GABPB1: variants seen among roughly 807,000 people sequenced by gnomAD.
GABPB1 encodes the protein GA-binding protein subunit beta-1.
Under a neutral mutation model 45.9 loss-of-function variants are expected in GABPB1, and 15 were observed. That is an observed-to-expected ratio of 0.33 (90% confidence interval 0.22 to 0.50). The LOEUF is 0.50. GABPB1 is among the 20% of genes least tolerant of loss of function. The pLI, the probability that GABPB1 is intolerant of heterozygous loss-of-function variation, is 0.98. For missense variants in GABPB1, 252 were observed against 457.5 expected (o/e 0.55, Z 4.10); for synonymous variants, 143 against 154.4 (o/e 0.93, Z 0.55).
intron 4 of GABPB1, among the ~76,000 whole-genome samples, chr15:50,302,535 T>C (rs919573924): frequency 1.3e-5 from 2 of 150,416 alleles, no homozygotes; most frequent in Non-Finnish European, 2.9e-5. Flanking sequence ...TCCCAGCTAT[T>C]TGAGAGGCTG....
intron 1 of GABPB1, chr15:50,353,649 A>T (rs957182873): frequency 9.2e-5 from 14 of 152,200 alleles, no homozygotes; most frequent in African/African-American, 3.4e-4. Context: ...TGAGCCTGAA[A>T]ATGGAAGTAT....
At chr15:50,327,297 T>C (rs898844296) in intron 1 of GABPB1, 1 of 152,176 alleles carries the variant, frequency 6.6e-6, no homozygotes, top group Non-Finnish European at 1.5e-5. Context: ...TCTGATCCTT[T>C]CTTCTCAGAA....
intron 6 of GABPB1, 64 bp from the exon 7 acceptor site, chr15:50,289,732 G>A: frequency 8.0e-7 from 1 of 1,250,980 alleles, no homozygotes; most frequent in Non-Finnish European, 1.1e-6. Flanking sequence ...ACCTATTTTT[G>A]CTTTGTCTGC....
chr15:50,310,909 G>A (rs1056953835), intron 1 of GABPB1, among the ~76,000 whole-genome samples: 13 of 151,548 alleles, frequency 8.6e-5, no homozygotes, highest in East Asian at 1.9e-4. Flanking sequence ...CCCAGGAGGC[G>A]GAGGTTGCAG....
chr15:50,315,481 T>C (rs1211273899), intron 1 of GABPB1, among the ~76,000 whole-genome samples: 1 of 152,148 alleles, frequency 6.6e-6, no homozygotes, highest in Non-Finnish European at 1.5e-5. Context: ...AAAATATTTA[T>C]CATAAAAAGG....
chr15:50,337,472 A>T (rs917722632), intron 1 of GABPB1, among the ~76,000 whole-genome samples: 1 of 152,042 alleles, frequency 6.6e-6, no homozygotes, highest in Non-Finnish European at 1.5e-5. Flanking sequence ...CTCAAGCAAA[A>T]AGTACTGGCT....
intron 6 of GABPB1, among the ~76,000 whole-genome samples, chr15:50,297,093 T>C (rs1375388024): frequency 6.6e-6 from 1 of 151,778 alleles, no homozygotes; most frequent in East Asian, 1.9e-4. Context: ...GTATTTTTAG[T>C]AGAGATGGAG....
At chr15:50,329,961 C>T (rs1331110939) in intron 1 of GABPB1, among the ~76,000 whole-genome samples, 1 of 150,950 alleles carries the variant, frequency 6.6e-6, no homozygotes, top group Non-Finnish European at 1.5e-5. Flanking sequence ...GGCTGGAATG[C>T]AGTGGCGTGA....
intron 3 of GABPB1, 51 bp from the exon 4 acceptor site, chr15:50,303,174 A>C (rs761865544): frequency 1.4e-6 from 2 of 1,381,254 alleles, no homozygotes; most frequent in Non-Finnish European, 2.0e-6. Context: ...TCACATAAAA[A>C]ATTCCTGATA....
At position 50,300,806 on chromosome 15, in the gene GABPB1, T is replaced by C. The variant is rs141883945; in HGVS notation, c.680A>G (p.Asn227Ser). ...TTTCTAACCTGGAGTTTCTGAAGAA[T>C]TGGACAATGGAGCAGATGCTTCAGC... is the stretch of plus-strand genomic sequence containing the variant. Reference protein sequence around the residue: ...ALAEASAPLSNSSETPVVATE... With the variant: ...ALAEASAPLSSSSETPVVATE... The change falls in exon 6 of 9, where the codon AAT (asparagine) becomes AGT (serine). Residue 227 changes from asparagine (N) to serine (S), a missense_variant. Around this residue, in one of 4 missense-constraint regions of GABPB1, gnomAD observed 193 missense variants for 259.9 expected, o/e 0.74. Transcript: ENST00000380877. The C allele has an allele frequency of 3.3e-3, 5,287 of 1,607,878 alleles. 12 individuals are homozygous for C. Among genetic ancestry groups the C allele is most frequent in the Non-Finnish European group, 3.8e-3 (4,519 of 1,174,374 alleles).
chr15:50,325,747 G>A (rs1432980486), intron 1 of GABPB1, among the ~76,000 whole-genome samples: 1 of 151,650 alleles, frequency 6.6e-6, no homozygotes, highest in Non-Finnish European at 1.5e-5. Flanking sequence ...TAGCCAGGAT[G>A]GTCTCGATCT....
At position 50,282,560 on chromosome 15, in the gene GABPB1, G is replaced by GAAAAAAAAAAAAAAAAAAAAAA. The variant is rs552203074; in HGVS notation, c.999+3507_999+3508insTTTTTTTTTTTTTTTTTTTTTT. On this transcript the variant is annotated intron_variant, in intron 8 of 8. Coordinates refer to ENST00000380877, the MANE Select transcript of GABPB1 (RefSeq NM_016654.5). ...CAAAGTGAGACCCTGCCTTAAAAAAGAAAAAAAAAAAAAAACAGAGACGGA... is the reference window on the plus strand; with the variant it reads ...CAAAGTGAGACCCTGCCTTAAAAAAGAAAAAAAAAAAAAAAAAAAAAAAAAAAAAAAAAAAAACAGAGACGGA... Among the ~76,000 whole-genome samples, 95 of 88,994 alleles carry GAAAAAAAAAAAAAAAAAAAAAA rather than the reference G, an allele frequency of 1.1e-3. 14 individuals carry two copies. The highest frequency in any genetic ancestry group is 1.5e-3 in the Non-Finnish European group (66 of 42,636). 58.4% of individuals were successfully genotyped at this position (88,994 alleles called of 152,430 possible).
intron 1 of GABPB1, among the ~76,000 whole-genome samples, chr15:50,331,209 G>A (rs937168154): frequency 2.0e-5 from 3 of 152,150 alleles, no homozygotes; most frequent in Admixed American, 1.3e-4. Flanking sequence ...CTTCCCATAA[G>A]GCAAGGGTAC....
intron 6 of GABPB1, among the ~76,000 whole-genome samples, chr15:50,297,767 G>A (rs914029559): frequency 5.3e-5 from 8 of 152,104 alleles, no homozygotes; most frequent in African/African-American, 1.2e-4. Context: ...CCCAGGAGGC[G>A]GAGGCTTCAG....
chr15:50,343,380 A>C (rs950103614), intron 1 of GABPB1, among the ~76,000 whole-genome samples: 15 of 152,160 alleles, frequency 9.9e-5, no homozygotes, highest in East Asian at 3.9e-4. Flanking sequence ...TCTTTGAACA[A>C]GGCAAATGTG....
At chr15:50,323,272 T>C (rs760886930) in intron 1 of GABPB1, among the ~76,000 whole-genome samples, 1 of 152,134 alleles carries the variant, frequency 6.6e-6, no homozygotes, top group East Asian at 1.9e-4. Flanking sequence ...ATCAGGCCCA[T>C]GGGGGAAATG....
intron 2 of GABPB1, among the ~76,000 whole-genome samples, chr15:50,307,527 C>A (rs2046989065): frequency 6.6e-6 from 1 of 151,916 alleles, no homozygotes; most frequent in South Asian, 2.1e-4. Context: ...ATATTGAAAC[C>A]CCATCTCTAC....
At chr15:50,288,655 T>C (rs900302843) in intron 7 of GABPB1, among the ~76,000 whole-genome samples, 2 of 152,188 alleles carry the variant, frequency 1.3e-5, no homozygotes, top group African/African-American at 4.8e-5. Flanking sequence ...CACTTAAAAA[T>C]GTGGAATTCT....
chr15:50,285,113 C>A (rs764315560), intron 8 of GABPB1, among the ~76,000 whole-genome samples: 7 of 152,064 alleles, frequency 4.6e-5, no homozygotes, highest in Non-Finnish European at 1.0e-4. Flanking sequence ...TTTTAAAAAT[C>A]TCCTTTCTAT....
Sources: allele counts gnomAD v4.1 joint callset (sites outside exome capture counted in the v4.1 genomes callset), GRCh38; gene constraint gnomAD v4.1.1; regional missense constraint gnomAD v4.1.1; transcripts MANE v1.5; gene names NCBI Gene and HGNC (gene_info 2026-07-23, HGNC 2026-07-21).